Variants in ARHGEF33 observed in about 807,000 individuals in gnomAD.
ARHGEF33 encodes the protein Rho guanine nucleotide exchange factor 33.
A neutral mutation model predicts 101.9 loss-of-function variants in ARHGEF33; 72 were observed. The observed-to-expected ratio is 0.71, with a 90% CI of 0.58 to 0.86. The LOEUF (loss-of-function observed/expected upper bound fraction) is 0.86, where lower values mean the gene tolerates loss of function less well. ARHGEF33 is among the 40% of genes least tolerant of loss of function. The pLI, the probability that ARHGEF33 is intolerant of heterozygous loss-of-function variation, is 0.00. For synonymous variants in ARHGEF33, 499 were observed against 442.5 expected, an observed-to-expected ratio of 1.13 and a Z score of -1.60; for missense variants, 1,169 against 1,111.3, an observed-to-expected ratio of 1.05 and a Z score of -0.74.
chr2:38,941,657 C>T (rs897646987), intron 9 of ARHGEF33, among the ~76,000 whole-genome samples: 1 of 151,950 alleles, frequency 6.6e-6, no homozygotes, highest in Admixed American at 6.6e-5. Context: ...AAGCAATCCC[C>T]CTGCCTCAGC....
At chr2:38,914,995 A>G (rs1193823521) in intron 2 of ARHGEF33, among the ~76,000 whole-genome samples, 1 of 152,094 alleles carries the variant, frequency 6.6e-6, no homozygotes, top group African/African-American at 2.4e-5. Flanking sequence ...TATCTGTACA[A>G]CAATAATGAT....
chr2:38,962,297 C>G (rs1401108735), intron 16 of ARHGEF33, among the ~76,000 whole-genome samples: 2 of 152,180 alleles, frequency 1.3e-5, no homozygotes, highest in Non-Finnish European at 2.9e-5. Flanking sequence ...ACATACAAAA[C>G]CTTCTAACTA....
intron 15 of ARHGEF33, chr2:38,959,595 C>T (rs1017762218): frequency 1.6e-5 from 7 of 443,978 alleles, no homozygotes; most frequent in African/African-American, 1.2e-4. Context: ...GATGACAGTC[C>T]CTGGCCCGCA....
At position 38,907,923 on chromosome 2, in the gene ARHGEF33, A is replaced by G. The variant is rs563954326; in HGVS notation, c.-85-11440A>G. The stretch of plus-strand genomic sequence containing the variant: ...ATCCAGGCTGGAGTGCAGTGGCACT[A>G]TCATGACTCACTGCAGCCTTGACCT... On this transcript the variant is annotated intron_variant, in intron 2 of 17. Transcript: ENST00000409978. Among the ~76,000 whole-genome samples the G allele has an allele frequency of 3.4e-5, 5 of 148,866 alleles. No homozygotes were observed. In the South Asian group the frequency reaches 1.1e-3, roughly 31 times the overall value.
At chr2:38,922,929 C>T (rs1203301370) in intron 4 of ARHGEF33, among the ~76,000 whole-genome samples, 2 of 152,182 alleles carry the variant, frequency 1.3e-5, no homozygotes, top group Non-Finnish European at 2.9e-5. Context: ...GGTCTTCACT[C>T]AGTGCTGCTT....
intron 17 of ARHGEF33, among the ~76,000 whole-genome samples, chr2:38,970,420 G>A (rs1362681362): frequency 6.6e-6 from 1 of 152,174 alleles, no homozygotes; most frequent in East Asian, 1.9e-4. Flanking sequence ...CACCTATTCT[G>A]TCTCCTTAAA....
intron 2 of ARHGEF33, among the ~76,000 whole-genome samples, chr2:38,906,205 A>C (rs1185858642): frequency 2.0e-5 from 3 of 151,832 alleles, no homozygotes; most frequent in Non-Finnish European, 4.4e-5. Flanking sequence ...AAAAAAAAAA[A>C]AGAAAAAAAT....
chr2:38,961,622 C>T (rs563170339), intron 16 of ARHGEF33, among the ~76,000 whole-genome samples: 66 of 152,224 alleles, frequency 4.3e-4, no homozygotes, highest in African/African-American at 1.6e-3. Context: ...AATTTTTCAG[C>T]AAACACTGAG....
At chr2:38,920,839 C>T (rs1040311213) in intron 3 of ARHGEF33, among the ~76,000 whole-genome samples, 2 of 152,168 alleles carry the variant, frequency 1.3e-5, no homozygotes, top group African/African-American at 4.8e-5. Context: ...TTCCTTTTAT[C>T]AGCCCTGTTG....
intron 16 of ARHGEF33, among the ~76,000 whole-genome samples, chr2:38,964,589 G>T (rs1282486509): frequency 1.3e-5 from 2 of 150,836 alleles, no homozygotes; most frequent in African/African-American, 4.9e-5. Context: ...TTTCACAATA[G>T]GGTTTGTGCA....
intron 10 of ARHGEF33, among the ~76,000 whole-genome samples, chr2:38,950,545 G>A (rs912405160): frequency 7.2e-5 from 11 of 152,160 alleles, no homozygotes; most frequent in Middle Eastern, 3.2e-3. Flanking sequence ...TGTACCTCCC[G>A]GATTCAAGTG....
chr2:38,965,399 C>A (rs1017493078), intron 16 of ARHGEF33, among the ~76,000 whole-genome samples: 6 of 152,156 alleles, frequency 3.9e-5, no homozygotes, highest in African/African-American at 1.4e-4. Flanking sequence ...CTTTATACTC[C>A]AAATAGCATG....
intron 15 of ARHGEF33, chr2:38,959,575 C>T (rs954906005): frequency 7.9e-6 from 3 of 381,444 alleles, no homozygotes; most frequent in African/African-American, 4.1e-5. Context: ...TCAGGGCTTC[C>T]ACGCGGGGTG....
intron 3 of ARHGEF33, 35 bp downstream of exon 3, chr2:38,919,507 G>A: frequency 6.4e-7 from 1 of 1,550,844 alleles, no homozygotes; most frequent in Non-Finnish European, 8.7e-7. Flanking sequence ...TTAGGACTTA[G>A]GATTCAAGGA....
rs1206195311 is a variant in ARHGEF33, at chr2:38,960,560, CCGCCGT to C, written c.2261_2266del (p.Val754_Ala755del). The C allele has an allele frequency of 7.9e-7, 1 of 1,270,140 alleles. No individual in the cohort carries two copies. Among genetic ancestry groups the C allele is most frequent in the Non-Finnish European group, 1.0e-6 (1 of 991,530 alleles). The allele number at this position is 1,270,140 out of a possible 1,614,324, so 78.7% of individuals were successfully genotyped here. A position where few individuals can be genotyped will look rare whatever the true frequency, so the allele number is the denominator to read the frequency against. On this transcript the variant is annotated inframe_deletion, in exon 16 of 18. Coordinates refer to ENST00000409978, the MANE Select transcript of ARHGEF33 (RefSeq NM_001145451.5). ...GCGCAGGCGCACGGCCCGGCCGCCGCCGCCGTCGCCGCCCGCGGCGCATCCAGGACC... is the reference window on the plus strand; with the variant it reads ...GCGCAGGCGCACGGCCCGGCCGCCGCCGCCGCCCGCGGCGCATCCAGGACC...
rs145757318 is a variant in ARHGEF33, at chr2:38,939,134, G to T, written c.790+1575G>T. On this transcript the variant is annotated intron_variant, in intron 9 of 17. Transcript: ENST00000409978. Reference sequence around the variant, plus strand: ...ATTACAGGCGTGCACCACCACGTCTGGCTAATTTTTATATTTTTAGTAGAG... The same window carrying T: ...ATTACAGGCGTGCACCACCACGTCTTGCTAATTTTTATATTTTTAGTAGAG... Among the ~76,000 whole-genome samples, 617 of 152,092 alleles carry T rather than the reference G, an allele frequency of 4.1e-3. 7 individuals are homozygous for T. Among genetic ancestry groups the T allele is most frequent in the African/African-American group, 0.014 (594 of 41,494 alleles).
At chr2:38,962,290 T>C (rs1414717209) in intron 16 of ARHGEF33, among the ~76,000 whole-genome samples, 2 of 152,234 alleles carry the variant, frequency 1.3e-5, no homozygotes, top group African/African-American at 4.8e-5. Context: ...GAGGTTTACA[T>C]ACAAAACCTT....
At chr2:38,948,938 C>T (rs565811287) in intron 10 of ARHGEF33, among the ~76,000 whole-genome samples, 118 of 152,354 alleles carry the variant, frequency 7.7e-4, no homozygotes, top group African/African-American at 2.7e-3. Flanking sequence ...CCTAAACCCA[C>T]TGTTCCATTG....
At chr2:38,970,039 G>A (rs574113228) in intron 17 of ARHGEF33, among the ~76,000 whole-genome samples, 2 of 152,216 alleles carry the variant, frequency 1.3e-5, no homozygotes, top group African/African-American at 4.8e-5. Context: ...TAACTTAGGA[G>A]TAGGGAATGT....
Sources: gnomAD v4.1 joint callset for allele counts (sites outside exome capture counted in the v4.1 genomes callset) on GRCh38, gnomAD v4.1.1 for gene constraint, MANE v1.5 for transcripts, NCBI Gene and HGNC (gene_info 2026-07-23, HGNC 2026-07-21) for gene names.